PPFIA2: variants seen among roughly 807,000 people sequenced by gnomAD.
PPFIA2 encodes the protein PPFI scaffold protein A2, also known as liprin-alpha-2.
Under a neutral mutation model 175.5 loss-of-function variants are expected in PPFIA2, and 46 were observed. The ratio of observed to expected loss-of-function variants is 0.26; its 90% CI spans 0.21 to 0.34. The LOEUF (loss-of-function observed/expected upper bound fraction) is 0.34. PPFIA2 is among the 10% of genes least tolerant of loss of function. The pLI, the probability that PPFIA2 is intolerant of heterozygous loss-of-function variation, is 1.00. For missense variants in PPFIA2, 1,179 were observed against 1,506.1 expected (o/e 0.78, Z 3.60); for synonymous variants, 568 against 511.4 (o/e 1.11, Z -1.49).
intron 4 of PPFIA2, among the ~76,000 whole-genome samples, chr12:81,499,580 AC>A (rs1246202172): frequency 6.6e-6 from 1 of 152,176 alleles, no homozygotes; most frequent in African/African-American, 2.4e-5. Context: ...TGTGCTAAAC[AC>A]TTTTTGTCAG....
intron 21 of PPFIA2, among the ~76,000 whole-genome samples, chr12:81,336,650 T>C (rs1458139281): frequency 6.6e-6 from 1 of 152,198 alleles, no homozygotes; most frequent in Non-Finnish European, 1.5e-5. Context: ...AGACATGTAG[T>C]ATAGCTGCTT....
At chr12:81,451,514 ACTGT>A (rs2052578684) in intron 5 of PPFIA2, among the ~76,000 whole-genome samples, 1 of 152,118 alleles carries the variant, frequency 6.6e-6, no homozygotes, top group Admixed American at 6.6e-5. Context: ...GGTCCTAGAG[ACTGT>A]CTGAAAGCTC....
intron 9 of PPFIA2, chr12:81,378,242 G>A (rs1311444206): frequency 6.6e-6 from 1 of 151,936 alleles, no homozygotes; most frequent in African/African-American, 2.4e-5. Context: ...AAGCCACCCA[G>A]TTGGTGGCAA....
At position 81,699,131 on chromosome 12, in the gene PPFIA2, G is replaced by A. The variant is rs2076217759; in HGVS notation, c.250-22287C>T. Among the ~76,000 whole-genome samples, 3 of 151,980 alleles carry A rather than the reference G, an allele frequency of 2.0e-5. No individual in the cohort carries two copies. In the South Asian group the frequency reaches 6.2e-4, roughly 31 times the overall value. On this transcript the variant is annotated intron_variant, in intron 3 of 32. Transcript: ENST00000549396. Reference sequence around the variant, plus strand: ...CATTATAGGATTAAAGAAATTGTAAGAAATTACTAAAGGAGATATAGAGAG... The same window carrying A: ...CATTATAGGATTAAAGAAATTGTAAAAAATTACTAAAGGAGATATAGAGAG...
intron 4 of PPFIA2, among the ~76,000 whole-genome samples, chr12:81,491,218 T>C (rs937379797): frequency 6.6e-6 from 1 of 151,872 alleles, no homozygotes; most frequent in Non-Finnish European, 1.5e-5. Flanking sequence ...TTTTTGTTTT[T>C]TTGCTTTGTC....
At chr12:81,532,307 A>G (rs771430858) in intron 4 of PPFIA2, among the ~76,000 whole-genome samples, 1 of 151,728 alleles carries the variant, frequency 6.6e-6, no homozygotes, top group African/African-American at 2.4e-5. Flanking sequence ...TTGTAGAAAT[A>G]GGAGGATAGG....
chr12:81,351,428 A>G (rs1372450223), intron 17 of PPFIA2, among the ~76,000 whole-genome samples: 1 of 152,122 alleles, frequency 6.6e-6, no homozygotes, highest in Non-Finnish European at 1.5e-5. Context: ...GATCAGCCTG[A>G]TTTGTTATAA....
At chr12:81,668,717 C>A (rs1347767335) in intron 4 of PPFIA2, among the ~76,000 whole-genome samples, 1 of 151,916 alleles carries the variant, frequency 6.6e-6, no homozygotes, top group Non-Finnish European at 1.5e-5. Context: ...TTCATAGTGG[C>A]AGGACTGATG....
intron 4 of PPFIA2, among the ~76,000 whole-genome samples, chr12:81,561,172 A>G (rs1273268382): frequency 6.6e-6 from 1 of 152,188 alleles, no homozygotes; most frequent in East Asian, 1.9e-4. Context: ...AGAAGAAAGA[A>G]AGACCCAGGC....
chr12:81,547,857 C>T (rs1470717153), intron 4 of PPFIA2, among the ~76,000 whole-genome samples: 1 of 152,080 alleles, frequency 6.6e-6, no homozygotes, highest in Non-Finnish European at 1.5e-5. Flanking sequence ...GGTTTTCTGG[C>T]AAAGAACTAT....
chr12:81,412,487 C>T (rs987529287), intron 7 of PPFIA2, among the ~76,000 whole-genome samples: 2 of 151,822 alleles, frequency 1.3e-5, no homozygotes, highest in East Asian at 1.9e-4. Flanking sequence ...TCTTTTCTTT[C>T]CAGGTTTGAG....
chr12:81,394,127 T>C (rs2142361227), intron 8 of PPFIA2, among the ~76,000 whole-genome samples: 1 of 152,134 alleles, frequency 6.6e-6, no homozygotes, highest in South Asian at 2.1e-4. Flanking sequence ...CCAGTTATCT[T>C]TTCATGAATT....
At chr12:81,401,924 C>A (rs76414664) in intron 8 of PPFIA2, among the ~76,000 whole-genome samples, 1 of 152,024 alleles carries the variant, frequency 6.6e-6, no homozygotes, top group South Asian at 2.1e-4. Flanking sequence ...TATTTAAATT[C>A]GTTTCAGTTA....
chr12:81,656,271 A>T (rs1217758110), intron 4 of PPFIA2, among the ~76,000 whole-genome samples: 3 of 152,096 alleles, frequency 2.0e-5, no homozygotes, highest in Non-Finnish European at 4.4e-5. Context: ...TCTTGAATTG[A>T]CCATTTTTCT....
At chr12:81,409,704 C>G (rs1422000560) in intron 7 of PPFIA2, among the ~76,000 whole-genome samples, 1 of 152,118 alleles carries the variant, frequency 6.6e-6, no homozygotes, top group Non-Finnish European at 1.5e-5. Context: ...GACTAAGACA[C>G]TACTCCAAAT....
intron 5 of PPFIA2, among the ~76,000 whole-genome samples, chr12:81,455,317 T>C: frequency 6.6e-6 from 1 of 152,212 alleles, no homozygotes; most frequent in East Asian, 1.9e-4. Context: ...AGTTATTATA[T>C]AATTAATACT....
chr12:81,548,480 T>C (rs1024138678), intron 4 of PPFIA2, among the ~76,000 whole-genome samples: 1 of 152,174 alleles, frequency 6.6e-6, no homozygotes, highest in African/African-American at 2.4e-5. Context: ...AAGTTTGATA[T>C]ATTCAAAACA....
At chr12:81,295,883 G>A (rs1179544213) in intron 23 of PPFIA2, among the ~76,000 whole-genome samples, 2 of 151,986 alleles carry the variant, frequency 1.3e-5, no homozygotes, top group Admixed American at 6.6e-5. Flanking sequence ...CCAGCTACTC[G>A]GGAGGCTGAG....
chr12:81,758,579 C>T, intron 1 of PPFIA2, 72 bp from the exon 2 acceptor site: 2 of 364,252 alleles, frequency 5.5e-6, no homozygotes, highest in South Asian at 2.0e-5. Context: ...TGCCCCGGCC[C>T]GGTGGCGTGG....
Sources: allele counts gnomAD v4.1 joint callset (sites outside exome capture counted in the v4.1 genomes callset), GRCh38; gene constraint gnomAD v4.1.1; transcripts MANE v1.5; gene names NCBI Gene and HGNC (gene_info 2026-07-23, HGNC 2026-07-21).